The following NDC1 variants were observed in gnomAD, a reference collection of about 807,000 sequenced individuals.
NDC1 encodes NDC1 transmembrane nucleoporin.
A neutral mutation model predicts 89.8 loss-of-function variants in NDC1; 24 were observed. That is an observed-to-expected ratio of 0.27 (90% CI 0.19 to 0.38). NDC1 has a LOEUF of 0.38. Ranked by LOEUF, NDC1 falls within the 10% of genes least tolerant of loss-of-function variation. The pLI, the probability that NDC1 is intolerant of heterozygous loss-of-function variation, is 1.00. For synonymous variants in NDC1, 296 were observed against 284.8 expected (o/e 1.04, Z -0.39); for missense variants, 728 against 797.6 (o/e 0.91, Z 1.05).
chr1:53,799,818 T>C (rs1265564784), intron 11 of NDC1, among the ~76,000 whole-genome samples: 1 of 152,156 alleles, frequency 6.6e-6, no homozygotes, highest in Non-Finnish European at 1.5e-5. Flanking sequence ...CTTTTATCAG[T>C]CTTACATTCA....
chr1:53,820,764 G>A (rs1439253101), intron 5 of NDC1, among the ~76,000 whole-genome samples: 4 of 128,248 alleles, frequency 3.1e-5, no homozygotes, highest in East Asian at 4.8e-4. Flanking sequence ...AGACTCAAGT[G>A]AAGTGGTGCC....
chr1:53,837,380 C>G (rs1271973994), intron 1 of NDC1, among the ~76,000 whole-genome samples: 1 of 152,214 alleles, frequency 6.6e-6, no homozygotes, highest in Non-Finnish European at 1.5e-5. Context: ...CAAGACCGGC[C>G]TGACCAACAT....
At chr1:53,787,977 A>T (rs1647361300) in intron 15 of NDC1, among the ~76,000 whole-genome samples, 1 of 152,068 alleles carries the variant, frequency 6.6e-6, no homozygotes, top group Non-Finnish European at 1.5e-5. Context: ...TAAGATGAAA[A>T]GAAACAGCTC....
At chr1:53,812,608 T>C (rs1241291855) in intron 6 of NDC1, among the ~76,000 whole-genome samples, 1 of 152,214 alleles carries the variant, frequency 6.6e-6, no homozygotes, top group African/African-American at 2.4e-5. Flanking sequence ...TCTGGGATTA[T>C]GTTATACGAC....
chr1:53,791,235 C>T (rs571554595), intron 14 of NDC1, among the ~76,000 whole-genome samples: 208 of 152,096 alleles, frequency 1.4e-3, no homozygotes, highest in African/African-American at 4.8e-3. Flanking sequence ...CTGGCTAACA[C>T]GCTAAAACTC....
chr1:53,799,208 T>C (rs1161583753), intron 11 of NDC1, among the ~76,000 whole-genome samples: 1 of 152,214 alleles, frequency 6.6e-6, no homozygotes, highest in African/African-American at 2.4e-5. Context: ...GTCGGACTCC[T>C]TTTGGACAGA....
chr1:53,797,193 G>A (rs1235086772), intron 11 of NDC1, 49 bp from the exon 12 acceptor site: 10 of 1,583,512 alleles, frequency 6.3e-6, no homozygotes, highest in Non-Finnish European at 8.6e-6. Context: ...ATCCAAGCAG[G>A]CTAGCAGCAA....
chr1:53,820,567 A>G (rs752894575), intron 5 of NDC1, among the ~76,000 whole-genome samples: 9 of 152,006 alleles, frequency 5.9e-5, no homozygotes, highest in Non-Finnish European at 1.0e-4. Flanking sequence ...AAAAAACTAC[A>G]CGTTTTCTGA....
intron 2 of NDC1, among the ~76,000 whole-genome samples, chr1:53,833,028 AG>A (rs199887742): frequency 0.016 from 2,370 of 152,044 alleles, 33 homozygotes; most frequent in Non-Finnish European, 0.023. Flanking sequence ...AAAGGGGGGG[AG>A]AAAAAAGGAG....
chr1:53,793,361 C>G (rs1460186441), intron 13 of NDC1, 82 bp from the exon 14 acceptor site: 1 of 1,135,386 alleles, frequency 8.8e-7, no homozygotes, highest in Non-Finnish European at 1.3e-6. Context: ...TTCTTCCAGA[C>G]AGTAACTTAA....
intron 16 of NDC1, among the ~76,000 whole-genome samples, chr1:53,775,247 C>A (rs1188995115): frequency 6.6e-6 from 1 of 152,044 alleles, no homozygotes; most frequent in Non-Finnish European, 1.5e-5. Flanking sequence ...AATTGCAAAA[C>A]ATTTTCTTTT....
intron 13 of NDC1, among the ~76,000 whole-genome samples, chr1:53,793,796 G>A (rs1216876976): frequency 9.9e-5 from 15 of 151,688 alleles, no homozygotes; most frequent in Non-Finnish European, 2.2e-4. Flanking sequence ...TCACCATCTT[G>A]CCCAGGCTGG....
In NDC1 at chr1:53,832,479, T is replaced by G; in HGVS notation, c.280+11A>C. The G allele has an allele frequency of 7.2e-7, 1 of 1,395,456 alleles. No individual in the cohort carries two copies. The highest frequency in any genetic ancestry group is 1.0e-6 in the Non-Finnish European group (1 of 987,446). The allele number at this position is 1,395,456 out of a possible 1,614,324, so 86.4% of individuals were successfully genotyped here. A position where few individuals can be genotyped will look rare whatever the true frequency, so the allele number is the denominator to read the frequency against. Reference sequence around the variant, plus strand: ...GCATATTTCTAAGAAGGTTAACATTTGAAAACTCACCTGCATAGAACTCCA... The same window carrying G: ...GCATATTTCTAAGAAGGTTAACATTGGAAAACTCACCTGCATAGAACTCCA... On this transcript the variant is annotated intron_variant, in intron 3 of 17. Transcript: ENST00000371429.
intron 10 of NDC1, among the ~76,000 whole-genome samples, chr1:53,803,310 AC>A (rs1490373053): frequency 1.3e-5 from 2 of 151,934 alleles, no homozygotes; most frequent in Non-Finnish European, 2.9e-5. Flanking sequence ...CAAGTAATCC[AC>A]CCACCTTGGC....
At chr1:53,833,918 C>G (rs532833463) in intron 2 of NDC1, among the ~76,000 whole-genome samples, 49 of 151,926 alleles carry the variant, frequency 3.2e-4, no homozygotes, top group Admixed American at 1.6e-3. Context: ...CTCCACCCCC[C>G]ACTCCCCCTT....
Position 53,827,290 on chromosome 1 carries a change from A to G in NDC1, c.455+709T>C, listed in dbSNP as rs538026430. ...TTTAAAAAAAAAAAAAAAAAAAACAAGGTCTCACTATGCTGCCCAGGCTGG... is the reference window on the plus strand; with the variant it reads ...TTTAAAAAAAAAAAAAAAAAAAACAGGGTCTCACTATGCTGCCCAGGCTGG... On this transcript the variant is annotated intron_variant, in intron 4 of 17. Coordinates refer to ENST00000371429, the MANE Select transcript of NDC1 (RefSeq NM_018087.5). Among the ~76,000 whole-genome samples, 23 of 151,146 alleles carry G rather than the reference A, an allele frequency of 1.5e-4. 1 individual carries two copies. The highest frequency in any genetic ancestry group is 5.1e-4 in the African/African-American group (21 of 41,304).
In NDC1 at chr1:53,825,147, T is replaced by TCCA. The variant is rs1479578955; in HGVS notation, c.594+650_594+651insTGG. Among the ~76,000 whole-genome samples, 186 of 152,158 alleles carry TCCA rather than the reference T, an allele frequency of 1.2e-3. 3 individuals carry two copies. Among genetic ancestry groups the TCCA allele is most frequent in the Admixed American group, 0.012 (181 of 15,276 alleles). ...GTGACCACGCCACTGCACTCCAGCC[T>TCCA]GGGTGACAGAGTGAGACTCTGTCTC... On this transcript the variant is annotated intron_variant, in intron 5 of 17. Transcript: ENST00000371429.
chr1:53,809,820 G>A, intron 6 of NDC1, 74 bp from the exon 7 acceptor site: 2 of 1,133,998 alleles, frequency 1.8e-6, no homozygotes, highest in Non-Finnish European at 2.7e-6. Context: ...TAGAATATAA[G>A]GTCAATGACA....
In NDC1 at chr1:53,807,780, C is replaced by T; in HGVS notation, c.767G>A (p.Arg256Lys). 1 of 1,598,990 alleles carries T rather than the reference C, an allele frequency of 6.3e-7. No individual in the cohort carries two copies. The highest frequency in any genetic ancestry group is 8.5e-7 in the Non-Finnish European group (1 of 1,176,274). The change falls in exon 8 of 18, where the codon AGG (arginine) becomes AAG (lysine). Residue 256 changes from arginine to lysine, a missense_variant. Physicochemically the swap from Arg to Lys is conservative, Grantham distance 26. Transcript: ENST00000371429. ...MNLHIDEQVHRPLDTVSGLLN... is the reference protein window; with the variant it reads ...MNLHIDEQVHKPLDTVSGLLN... Reference sequence around the variant, plus strand: ...GAGGCCACTCACTGTGTCAAGTGGCCTATGAACCTGCCTGTGAATGCAGAA... The same window carrying T: ...GAGGCCACTCACTGTGTCAAGTGGCTTATGAACCTGCCTGTGAATGCAGAA...
Sources: gnomAD v4.1 joint callset for allele counts (sites outside exome capture counted in the v4.1 genomes callset) on GRCh38, gnomAD v4.1.1 for gene constraint, MANE v1.5 for transcripts, NCBI Gene and HGNC (gene_info 2026-07-23, HGNC 2026-07-21) for gene names.